The following PTPRG variants were observed in gnomAD, a reference collection of about 807,000 sequenced individuals.
PTPRG encodes the protein protein tyrosine phosphatase receptor type G, also known as receptor-type tyrosine-protein phosphatase gamma.
PTPRG carries 102 observed loss-of-function variants against 165.3 expected under a neutral mutation model. The ratio of observed to expected loss-of-function variants is 0.62; its 90% confidence interval spans 0.53 to 0.73. The LOEUF (loss-of-function observed/expected upper bound fraction) is 0.73, where lower values mean the gene tolerates loss of function less well. Among genes scored for constraint, PTPRG ranks in the 30% least tolerant of loss-of-function variants. The pLI is 0.00. For synonymous variants in PTPRG, 675 were observed against 669.5 expected (o/e 1.01, Z -0.13); for missense variants, 1,866 against 1,861.4 (o/e 1.00, Z -0.05).
chr3:61,603,025 C>T (rs1462631085), intron 1 of PTPRG, among the ~76,000 whole-genome samples: 1 of 152,128 alleles, frequency 6.6e-6, no homozygotes, highest in Non-Finnish European at 1.5e-5. Context: ...GCACATCTTT[C>T]CTCCTTCACA....
chr3:61,787,468 G>A (rs1305087379), intron 2 of PTPRG, among the ~76,000 whole-genome samples: 1 of 152,158 alleles, frequency 6.6e-6, no homozygotes, highest in South Asian at 2.1e-4. Flanking sequence ...TATCTCATTG[G>A]CATCTGAAAT....
chr3:61,922,537 A>G (rs1299968621), intron 2 of PTPRG, among the ~76,000 whole-genome samples: 2 of 152,160 alleles, frequency 1.3e-5, no homozygotes, highest in Admixed American at 6.5e-5. Context: ...CCTAAGGGGA[A>G]TCCTTCTTTG....
chr3:61,924,911 G>A (rs2039169724), intron 2 of PTPRG, among the ~76,000 whole-genome samples: 1 of 152,210 alleles, frequency 6.6e-6, no homozygotes. Flanking sequence ...TAGGTCATAA[G>A]CGTGGAGCTC....
chr3:61,812,086 TG>T (rs1243484713), intron 2 of PTPRG, among the ~76,000 whole-genome samples: 1 of 152,220 alleles, frequency 6.6e-6, no homozygotes, highest in Non-Finnish European at 1.5e-5. Context: ...GAGGTAGAAC[TG>T]CTAGGATATA....
At chr3:62,175,276 G>T (rs912194251) in intron 8 of PTPRG, among the ~76,000 whole-genome samples, 13 of 152,268 alleles carry the variant, frequency 8.5e-5, no homozygotes, top group African/African-American at 3.1e-4. Context: ...GCTTTGAAAA[G>T]CTTATTGACT....
At chr3:62,132,263 C>CATGACTTTCA (rs758569570) in intron 5 of PTPRG, among the ~76,000 whole-genome samples, 5 of 152,196 alleles carry the variant, frequency 3.3e-5, no homozygotes, top group Non-Finnish European at 7.3e-5. Flanking sequence ...ATTGCTCTCT[C>CATGACTTTCA]ATGACTTTCA....
intron 2 of PTPRG, among the ~76,000 whole-genome samples, chr3:61,807,307 C>T (rs1490178110): frequency 3.3e-5 from 5 of 152,206 alleles, no homozygotes; most frequent in East Asian, 1.9e-4. Flanking sequence ...TGAAGTTCAT[C>T]AGACGTATAA....
chr3:61,563,892 C>G (rs892993828), intron 1 of PTPRG, among the ~76,000 whole-genome samples: 3 of 152,212 alleles, frequency 2.0e-5, no homozygotes, highest in Admixed American at 1.3e-4. Flanking sequence ...AAAACACCGT[C>G]TGGTATTCTG....
chr3:62,085,330 G>C (rs1249080055), intron 5 of PTPRG, among the ~76,000 whole-genome samples: 2 of 130,130 alleles, frequency 1.5e-5, no homozygotes, highest in Non-Finnish European at 3.1e-5. Context: ...TGAACATGAA[G>C]ACTGTGTAAC....
In PTPRG at chr3:62,093,740, G is replaced by A. The variant is rs184660228; in HGVS notation, c.615+15482G>A. 2.2e-3 allele frequency among the ~76,000 whole-genome samples: 339 copies of A among 152,270 alleles called. 1 individual carries two copies. Among genetic ancestry groups the A allele is most frequent in the Non-Finnish European group, 2.7e-3 (185 of 68,022 alleles). On this transcript the variant is annotated intron_variant, in intron 5 of 29. Transcript: ENST00000474889. ...AGGCTGGAAGTAAGATCATCCCCTCGGGCTGTTGCCTGGGAAGATAGCTCC... is the reference window on the plus strand; with the variant it reads ...AGGCTGGAAGTAAGATCATCCCCTCAGGCTGTTGCCTGGGAAGATAGCTCC...
intron 1 of PTPRG, among the ~76,000 whole-genome samples, chr3:61,629,518 T>G (rs1241166906): frequency 6.6e-6 from 1 of 152,212 alleles, no homozygotes; most frequent in Non-Finnish European, 1.5e-5. Context: ...GGACAGACAC[T>G]ATTAGGTTTA....
chr3:62,010,370 T>TTGTGTGTGTGTGTGTGTGTG (rs35894531), intron 4 of PTPRG, among the ~76,000 whole-genome samples: 128 of 149,566 alleles, frequency 8.6e-4, no homozygotes, highest in African/African-American at 2.6e-3. Flanking sequence ...CCCTCTCTTC[T>TTGTGTGTGTGTGTGTGTGTG]TGTGTGTGTG....
At chr3:62,000,221 C>T (rs2041137367) in intron 3 of PTPRG, among the ~76,000 whole-genome samples, 1 of 147,796 alleles carries the variant, frequency 6.8e-6, no homozygotes, top group African/African-American at 2.5e-5. Context: ...GCTGAGGTTG[C>T]AGTGGGCGGT....
intron 1 of PTPRG, among the ~76,000 whole-genome samples, chr3:61,572,220 A>C (rs1237591588): frequency 2.6e-5 from 4 of 152,188 alleles, no homozygotes; most frequent in African/African-American, 4.8e-5. Context: ...TGGTTAATGG[A>C]ATGCCTATAA....
At chr3:62,061,325 G>T (rs1158097820) in intron 4 of PTPRG, among the ~76,000 whole-genome samples, 1 of 152,136 alleles carries the variant, frequency 6.6e-6, no homozygotes, top group African/African-American at 2.4e-5. Flanking sequence ...CTGTATTTAA[G>T]GTATCGTATC....
At chr3:61,864,069 C>G (rs1478306755) in intron 2 of PTPRG, among the ~76,000 whole-genome samples, 1 of 152,164 alleles carries the variant, frequency 6.6e-6, no homozygotes, top group Non-Finnish European at 1.5e-5. Flanking sequence ...ACTTGTGAAT[C>G]CACAGCTCTT....
chr3:61,817,164 TATATA>T (rs1335329717), intron 2 of PTPRG, among the ~76,000 whole-genome samples: 1 of 117,412 alleles, frequency 8.5e-6, no homozygotes, highest in Non-Finnish European at 1.7e-5. Context: ...TAATATATAA[TATATA>T]ATAATATATA....
intron 1 of PTPRG, among the ~76,000 whole-genome samples, chr3:61,629,766 C>T (rs1701716088): frequency 6.6e-6 from 1 of 152,156 alleles, no homozygotes; most frequent in African/African-American, 2.4e-5. Flanking sequence ...TTTAGAAAGC[C>T]TATGGCATTT....
At chr3:62,269,675 A>G (rs1397743130) in intron 20 of PTPRG, among the ~76,000 whole-genome samples, 2 of 152,164 alleles carry the variant, frequency 1.3e-5, no homozygotes, top group Admixed American at 6.6e-5. Flanking sequence ...TGTTAACAAT[A>G]ATACCCTTCT....
Sources: allele counts gnomAD v4.1 joint callset (sites outside exome capture counted in the v4.1 genomes callset), GRCh38; gene constraint gnomAD v4.1.1; transcripts MANE v1.5; gene names NCBI Gene and HGNC (gene_info 2026-07-23, HGNC 2026-07-21).